Variants in PPP1R1C observed in about 807,000 individuals in gnomAD.
The protein encoded by PPP1R1C is protein phosphatase 1 regulatory subunit 1C.
In PPP1R1C, 15 loss-of-function variants were observed where a neutral mutation model predicts 17.4. The observed-to-expected ratio is 0.86, with a 90% confidence interval of 0.58 to 1.33. The LOEUF (loss-of-function observed/expected upper bound fraction) is 1.33. Ranked by LOEUF, PPP1R1C falls within the 40% of genes most tolerant of loss-of-function variation. The pLI, the probability that PPP1R1C is intolerant of heterozygous loss-of-function variation, is 0.00. For missense variants in PPP1R1C, 143 were observed against 130.0 expected (o/e 1.10, Z -0.48); for synonymous variants, 35 against 43.1 (o/e 0.81, Z 0.73).
At chr2:182,063,232 A>C (rs575178535) in intron 3 of PPP1R1C, among the ~76,000 whole-genome samples, 1 of 152,128 alleles carries the variant, frequency 6.6e-6, no homozygotes, top group South Asian at 2.1e-4. Flanking sequence ...TATAATTCCA[A>C]GTAAATGGAG....
At chr2:182,071,334 G>T (rs1403626875) in intron 4 of PPP1R1C, among the ~76,000 whole-genome samples, 1 of 152,138 alleles carries the variant, frequency 6.6e-6, no homozygotes, top group Admixed American at 6.5e-5. Context: ...GAATATCCCT[G>T]TACCGGGATT....
chr2:181,974,291 T>C (rs942400784), intron 1 of PPP1R1C, among the ~76,000 whole-genome samples: 1 of 152,174 alleles, frequency 6.6e-6, no homozygotes, highest in African/African-American at 2.4e-5. Context: ...ACTCTGAGAA[T>C]ATTTCTTACT....
At chr2:182,063,998 T>C (rs1687917503) in intron 4 of PPP1R1C, 4 of 456,888 alleles carry the variant, frequency 8.8e-6, no homozygotes, top group African/African-American at 2.0e-5. Context: ...AAATAGCTAG[T>C]GATCTCAGAA....
intron 1 of PPP1R1C, among the ~76,000 whole-genome samples, chr2:181,970,995 G>A (rs991251508): frequency 2.0e-5 from 3 of 152,036 alleles, no homozygotes; most frequent in Admixed American, 6.5e-5. Flanking sequence ...TTCAGGACAG[G>A]TCCAGAAATG....
At chr2:182,104,155 G>A (rs969259830) in intron 4 of PPP1R1C, among the ~76,000 whole-genome samples, 3 of 152,154 alleles carry the variant, frequency 2.0e-5, no homozygotes, top group African/African-American at 7.2e-5. Flanking sequence ...GCAAACAAGG[G>A]CAATTTAACT....
chr2:182,090,947 T>C (rs1186155213), intron 4 of PPP1R1C, among the ~76,000 whole-genome samples: 1 of 152,192 alleles, frequency 6.6e-6, no homozygotes, highest in East Asian at 1.9e-4. Context: ...CAAGTGGAAT[T>C]GTCCACAAGT....
intron 2 of PPP1R1C, among the ~76,000 whole-genome samples, chr2:182,037,331 G>C (rs552739673): frequency 2.6e-5 from 4 of 152,286 alleles, no homozygotes; most frequent in Admixed American, 6.5e-5. Flanking sequence ...AGCCTTCTAG[G>C]CTCAGGAAGC....
At chr2:181,987,695 T>C in intron 1 of PPP1R1C, 144 bp from the exon 2 acceptor site, 1 of 701,448 alleles carries the variant, frequency 1.4e-6, no homozygotes, top group Non-Finnish European at 2.5e-6. Context: ...AAAATAAAAT[T>C]AGTGAGCACC....
intron 2 of PPP1R1C, among the ~76,000 whole-genome samples, chr2:182,009,877 G>A (rs1039094341): frequency 1.3e-5 from 2 of 152,020 alleles, no homozygotes; most frequent in Non-Finnish European, 2.9e-5. Context: ...TTATTAAAGA[G>A]ACTGTCCTTC....
chr2:182,034,618 A>G (rs1190786967), intron 2 of PPP1R1C, among the ~76,000 whole-genome samples: 1 of 152,206 alleles, frequency 6.6e-6, no homozygotes, highest in Non-Finnish European at 1.5e-5. Flanking sequence ...TGATGTTTTA[A>G]TTACTCATAC....
intron 4 of PPP1R1C, among the ~76,000 whole-genome samples, chr2:182,100,527 CG>C (rs1191326750): frequency 6.7e-6 from 1 of 149,634 alleles, no homozygotes; most frequent in Non-Finnish European, 1.5e-5. Context: ...AAAAAAAAGA[CG>C]GGGAGAATGC....
intron 4 of PPP1R1C, among the ~76,000 whole-genome samples, chr2:182,079,959 C>T (rs1013824137): frequency 1.3e-5 from 2 of 152,090 alleles, no homozygotes; most frequent in African/African-American, 4.8e-5. Context: ...TTCATCCTGT[C>T]GAGCCTCATT....
chr2:181,954,840 T>TA lies in PPP1R1C; in HGVS notation n.111+209dup, dbSNP rs571520926. On this transcript the variant is annotated intron_variant and non_coding_transcript_variant, in intron 1 of 5. Coordinates refer to the PPP1R1C transcript ENST00000464264. ...TGATATGTATCAGTATGTATGTGTT[T>TA]AAAGAGAGATTTTTTTTCCCTAGGC... 7.2e-4 allele frequency among the ~76,000 whole-genome samples: 109 copies of TA among 152,314 alleles called. 1 individual carries two copies. The highest frequency in any genetic ancestry group is 2.6e-3 in the Admixed American group (40 of 15,292).
rs1243160638 is a variant in PPP1R1C at position 181,986,138 on chromosome 2, C to T, written c.28C>T (p.Gln10Ter). 6 of 1,613,716 alleles carry T rather than the reference C, an allele frequency of 3.7e-6. No homozygotes were observed. Among genetic ancestry groups the T allele is most frequent in the Non-Finnish European group, 5.1e-6 (6 of 1,179,664 alleles). The change falls in exon 1 of 5, where the codon CAG becomes TAG. Residue 10 changes from glutamine (Q) to a stop codon, truncating the protein, a stop_gained. Coordinates refer to ENST00000682840, the MANE Select transcript of PPP1R1C (RefSeq NM_001080545.3). LOFTEE classifies it high-confidence loss of function. ...GGAGCCCAACAGTCCCAAAAAGATA[C>T]AGTTTGCCGTGCCTGTATTCCAGAG... MEPNSPKKI[Q>*]FAVPVFQSQI... is the part of the protein sequence containing the mutation.
intron 2 of PPP1R1C, among the ~76,000 whole-genome samples, chr2:181,994,090 C>A (rs1413323176): frequency 6.6e-6 from 1 of 151,938 alleles, no homozygotes; most frequent in Admixed American, 6.6e-5. Flanking sequence ...ATTATGTATC[C>A]TATATTGTAG....
chr2:182,116,970 A>T (rs1459522533), intron 4 of PPP1R1C, among the ~76,000 whole-genome samples: 1 of 152,164 alleles, frequency 6.6e-6, no homozygotes, highest in Non-Finnish European at 1.5e-5. Flanking sequence ...GCAATCCCTA[A>T]TGGAGAAGCT....
chr2:181,981,584 C>T (rs989874978), upstream of PPP1R1C, among the ~76,000 whole-genome samples: 1 of 152,092 alleles, frequency 6.6e-6, no homozygotes, highest in Admixed American at 6.5e-5. Flanking sequence ...ATAGATAGGC[C>T]TCTTTGCCTC....
chr2:182,004,747 C>A (rs531845395), intron 2 of PPP1R1C, among the ~76,000 whole-genome samples: 52 of 152,272 alleles, frequency 3.4e-4, no homozygotes, highest in Non-Finnish European at 6.3e-4. Flanking sequence ...GGCTCACATG[C>A]TCATTTTTTA....
chr2:182,047,708 G>A (rs1687387672), intron 2 of PPP1R1C, among the ~76,000 whole-genome samples: 1 of 152,144 alleles, frequency 6.6e-6, no homozygotes, highest in Non-Finnish European at 1.5e-5. Flanking sequence ...GATAAAATAT[G>A]TCTTATAAGA....
Sources: allele counts gnomAD v4.1 joint callset (sites outside exome capture counted in the v4.1 genomes callset), GRCh38; gene constraint gnomAD v4.1.1; transcripts MANE v1.5; gene names NCBI Gene and HGNC (gene_info 2026-07-23, HGNC 2026-07-21).